The following RCSD1 variants were observed in gnomAD, a reference collection of about 807,000 sequenced individuals.
The protein encoded by RCSD1 is capZ-interacting protein.
In RCSD1, 26 loss-of-function variants were observed where a neutral mutation model predicts 42.5. The observed-to-expected ratio is 0.61, with a 90% CI of 0.45 to 0.85. The LOEUF is 0.85. Ranked by LOEUF, RCSD1 falls within the 40% of genes least tolerant of loss-of-function variation. RCSD1 has a pLI of 0.00. For synonymous variants in RCSD1, 220 were observed against 212.2 expected (o/e 1.04, Z -0.32); for missense variants, 571 against 528.3 (o/e 1.08, Z -0.79).
chr1:167,704,602 A>G, intron 6 of RCSD1, 62 bp from the exon 7 acceptor site: 2 of 1,396,458 alleles, frequency 1.4e-6, no homozygotes, highest in Non-Finnish European at 2.0e-6. Context: ...CCAAGGAGGG[A>G]TGCTGAGTGT....
rs977339239 is a variant in RCSD1 at position 167,705,350 on chromosome 1, C to T, written c.*654C>T. On this transcript the variant is annotated 3_prime_UTR_variant, in exon 7 of 7. Coordinates refer to ENST00000367854, the MANE Select transcript of RCSD1 (RefSeq NM_052862.4). ...AAACATTTAAAAAAAAAAAGTGCTC[C>T]ATTCGCAGGAGCTTTTCCTGTCCTG... 1.3e-5 allele frequency: 2 copies of T among 151,762 alleles called. No individual in the cohort carries two copies. Among genetic ancestry groups the T allele is most frequent in the African/African-American group, 2.4e-5 (1 of 41,316 alleles). 9.4% of individuals were successfully genotyped at this position (151,762 alleles called of 1,614,324 possible).
At chr1:167,648,523 G>C (rs10489194) in intron 1 of RCSD1, among the ~76,000 whole-genome samples, 6,367 of 152,292 alleles carry the variant, frequency 0.042, 186 homozygotes, top group Non-Finnish European at 0.066. Flanking sequence ...GTTTAGCAAA[G>C]AGCCCTTTCC....
chr1:167,704,261 G>A (rs1659706905), intron 6 of RCSD1, among the ~76,000 whole-genome samples: 1 of 152,118 alleles, frequency 6.6e-6, no homozygotes, highest in African/African-American at 2.4e-5. Context: ...CATTGAATGG[G>A]AATGAGTGAA....
chr1:167,697,528 GA>G lies in RCSD1; in HGVS notation c.908del (p.Lys303SerfsTer15). On this transcript the variant is annotated frameshift_variant, in exon 6 of 7. Coordinates refer to ENST00000367854, the MANE Select transcript of RCSD1 (RefSeq NM_052862.4). LOFTEE classifies it high-confidence loss of function. ...AAATAGGTGTGGGAGCCCCAGGGAG[GA>G]AAAGCCAGCTGGAGAGGAAGCAGAG... ...AENRCGSPRE[E>X]KPAGEEAEME... The G allele has an allele frequency of 6.2e-7, 1 of 1,606,640 alleles. No homozygotes were observed. Among genetic ancestry groups the G allele is most frequent in the South Asian group, 1.1e-5 (1 of 89,700 alleles).
intron 4 of RCSD1, among the ~76,000 whole-genome samples, chr1:167,693,824 C>T (rs1659434091): frequency 6.6e-6 from 1 of 151,874 alleles, no homozygotes; most frequent in African/African-American, 2.4e-5. Context: ...ATAAGTTGAG[C>T]TTGTTCTGGG....
At position 167,694,161 on chromosome 1, in the gene RCSD1, C is replaced by G. The variant is rs150493449; in HGVS notation, c.333C>G (p.Leu111=). ...GGGCCTCACCCAAGAGTCCTGGACT[C>G]AAGGCTATGGTGTCGCCATTTCACA... ...LPGASPKSPG[L]KAMVSPFHSP... is the part of the protein sequence containing the mutation. Residue 111 remains leucine (L), a synonymous_variant, in exon 5 of 7, where the codon CTC becomes CTG. Coordinates refer to ENST00000367854, the MANE Select transcript of RCSD1 (RefSeq NM_052862.4). 2 of 1,614,192 alleles carry G rather than the reference C, an allele frequency of 1.2e-6. No individual in the cohort carries two copies. The highest frequency in any genetic ancestry group is 1.7e-6 in the Non-Finnish European group (2 of 1,180,034).
intron 1 of RCSD1, among the ~76,000 whole-genome samples, chr1:167,663,042 T>A (rs537004735): frequency 6.4e-4 from 98 of 152,318 alleles, no homozygotes; most frequent in African/African-American, 2.4e-3. Flanking sequence ...TCAGGGCCAG[T>A]GAGTTCACGC....
At chr1:167,687,676 C>T (rs1465726059) in intron 3 of RCSD1, among the ~76,000 whole-genome samples, 1 of 152,238 alleles carries the variant, frequency 6.6e-6, no homozygotes, top group Non-Finnish European at 1.5e-5. Flanking sequence ...ACCTTGGGGG[C>T]CTGCAGGGAG....
At chr1:167,637,594 G>GC (rs1231695618) in intron 1 of RCSD1, among the ~76,000 whole-genome samples, 2 of 152,148 alleles carry the variant, frequency 1.3e-5, no homozygotes, top group Non-Finnish European at 2.9e-5. Context: ...CCTGGGGCCT[G>GC]CCCCAAAGGC....
At chr1:167,680,293 G>A (rs1284114270) in intron 1 of RCSD1, among the ~76,000 whole-genome samples, 1 of 151,918 alleles carries the variant, frequency 6.6e-6, no homozygotes, top group Non-Finnish European at 1.5e-5. Flanking sequence ...GTAGATGCTG[G>A]CAGGGGAGGG....
chr1:167,682,684 T>TGC (rs1188923069), intron 1 of RCSD1, among the ~76,000 whole-genome samples: 28 of 151,312 alleles, frequency 1.9e-4, no homozygotes, highest in African/African-American at 6.3e-4. Context: ...TGTGTGTGTG[T>TGC]GTGTGTGTGT....
intron 1 of RCSD1, among the ~76,000 whole-genome samples, chr1:167,652,543 C>T (rs1212920452): frequency 1.3e-5 from 2 of 152,224 alleles, no homozygotes; most frequent in Non-Finnish European, 2.9e-5. Context: ...GTTGCTGCCC[C>T]AGCAGAGGAC....
Position 167,685,480 on chromosome 1 carries a change from C to G in RCSD1, c.168C>G (p.Pro56=), listed in dbSNP as rs763550256. ...KPPCSLPLFP[P]KVDLGQNGEE... The stretch of plus-strand genomic sequence containing the variant: ...CCTGTTCCCTCCCCCTGTTCCCCCC[C>G]AAGGTAGACCTGGGCCAGAATGGTG... The change falls in exon 3 of 7, where the codon CCC becomes CCG. Residue 56 remains proline (P), a synonymous_variant. Coordinates refer to ENST00000367854, the MANE Select transcript of RCSD1 (RefSeq NM_052862.4). 3.1e-6 allele frequency: 5 copies of G among 1,613,970 alleles called. No individual in the cohort carries two copies. The highest frequency in any genetic ancestry group is 3.4e-6 in the Non-Finnish European group (4 of 1,179,902).
In RCSD1 at chr1:167,639,271, T is replaced by C. The variant is rs12410833; in HGVS notation, c.6+8842T>C. On this transcript the variant is annotated intron_variant, in intron 1 of 6. Transcript: ENST00000367854. ...CAAAAACAAACAAACAAAAAGGTCC[T>C]CTGACTCCCAGCACACTAGGACGCC... is the stretch of plus-strand genomic sequence containing the variant. 1.1e-3 allele frequency among the ~76,000 whole-genome samples: 168 copies of C among 149,334 alleles called. 3 individuals are homozygous for C. The highest frequency in any genetic ancestry group is 7.5e-3 in the East Asian group (38 of 5,054).
Position 167,708,448 on chromosome 1 carries a change from A to G in RCSD1, c.*3752A>G, listed in dbSNP as rs78220041. ...AAAAAAGGATAAACAATGTCTCTATATAATGCATGATCAGGTGGTTTATGA... is the reference window on the plus strand; with the variant it reads ...AAAAAAGGATAAACAATGTCTCTATGTAATGCATGATCAGGTGGTTTATGA... On this transcript the variant is annotated 3_prime_UTR_variant, in exon 7 of 7. Transcript: ENST00000367854. Among the ~76,000 whole-genome samples, 1 of 152,228 alleles carries G rather than the reference A, an allele frequency of 6.6e-6. No homozygotes were observed. The highest frequency in any genetic ancestry group is 2.4e-5 in the African/African-American group (1 of 41,452).
At chr1:167,641,078 G>A (rs1450967537) in intron 1 of RCSD1, among the ~76,000 whole-genome samples, 2 of 152,098 alleles carry the variant, frequency 1.3e-5, no homozygotes, top group African/African-American at 2.4e-5. Flanking sequence ...TAGGTAGCCC[G>A]TATATACAGC....
intron 1 of RCSD1, among the ~76,000 whole-genome samples, chr1:167,682,736 G>A (rs1440431815): frequency 6.6e-6 from 1 of 151,580 alleles, no homozygotes; most frequent in African/African-American, 2.4e-5. Flanking sequence ...CGCTGCTGGA[G>A]GGAAGCATCC....
intron 1 of RCSD1, among the ~76,000 whole-genome samples, chr1:167,634,259 T>A (rs1657774781): frequency 2.6e-5 from 4 of 152,178 alleles, no homozygotes. Context: ...TCAGCCTCCC[T>A]AACTGTCACC....
chr1:167,668,278 C>A (rs1658708853), intron 1 of RCSD1, among the ~76,000 whole-genome samples: 1 of 151,892 alleles, frequency 6.6e-6, no homozygotes, highest in Non-Finnish European at 1.5e-5. Context: ...GAGCAAGACT[C>A]CGTCTCCAGA....
Sources: gnomAD v4.1 joint callset for allele counts (sites outside exome capture counted in the v4.1 genomes callset) on GRCh38, gnomAD v4.1.1 for gene constraint, MANE v1.5 for transcripts, NCBI Gene and HGNC (gene_info 2026-07-23, HGNC 2026-07-21) for gene names.